Variants in ADGRG7 observed in about 807,000 individuals in gnomAD.
The protein encoded by ADGRG7 is G-protein coupled receptor 128.
In ADGRG7, 82 loss-of-function variants were observed where a neutral mutation model predicts 88.6. The observed-to-expected ratio is 0.93, with a 90% CI of 0.77 to 1.11. The LOEUF (loss-of-function observed/expected upper bound fraction) is 1.11. ADGRG7 is among the 50% of genes most tolerant of loss of function. The probability of loss-of-function intolerance (pLI) is 0.00; values close to 1 mark genes in which losing one functional copy is unlikely to be tolerated. For synonymous variants in ADGRG7, 381 were observed against 345.2 expected, an observed-to-expected ratio of 1.10 and a Z score of -1.15; for missense variants, 945 against 953.4, an observed-to-expected ratio of 0.99 and a Z score of 0.12.
Position 100,647,122 on chromosome 3 carries a change from A to T in ADGRG7, c.1266+398A>T, listed in dbSNP as rs142082872. Among the ~76,000 whole-genome samples the T allele has an allele frequency of 3.5e-3, 529 of 152,264 alleles. 5 individuals are homozygous for T. Among genetic ancestry groups the T allele is most frequent in the Non-Finnish European group, 5.1e-3 (350 of 68,016 alleles). ...CAGAGAGCCGAGATCACACCACTGCACTCCAACCTGGGTGACAGAGTGAGA... is the reference window on the plus strand; with the variant it reads ...CAGAGAGCCGAGATCACACCACTGCTCTCCAACCTGGGTGACAGAGTGAGA... On this transcript the variant is annotated intron_variant, in intron 10 of 15. Coordinates refer to ENST00000273352, the MANE Select transcript of ADGRG7 (RefSeq NM_032787.3).
chr3:100,649,939 AT>A (rs1444383626), intron 11 of ADGRG7, 132 bp downstream of exon 11: 1 of 482,602 alleles, frequency 2.1e-6, no homozygotes, highest in Non-Finnish European at 3.7e-6. Flanking sequence ...AGAGGAGGAC[AT>A]TTAGGCCTGG....
intron 6 of ADGRG7, among the ~76,000 whole-genome samples, chr3:100,642,803 C>T (rs1052208767): frequency 1.3e-5 from 2 of 152,174 alleles, no homozygotes; most frequent in Non-Finnish European, 2.9e-5. Context: ...TCCATCTGAA[C>T]TGTCACCTCA....
chr3:100,652,494 T>C (rs1451827495), intron 11 of ADGRG7, among the ~76,000 whole-genome samples: 6 of 152,050 alleles, frequency 3.9e-5, no homozygotes, highest in African/African-American at 1.4e-4. Flanking sequence ...TGGTAGTGAG[T>C]AGAGATTTTA....
At chr3:100,632,297 T>A (rs961191751) in intron 3 of ADGRG7, among the ~76,000 whole-genome samples, 26 of 152,186 alleles carry the variant, frequency 1.7e-4, no homozygotes, top group African/African-American at 5.5e-4. Flanking sequence ...ATCATGTTTA[T>A]AATATTTATC....
intron 14 of ADGRG7, among the ~76,000 whole-genome samples, chr3:100,664,721 C>T (rs1246305675): frequency 6.6e-6 from 1 of 152,146 alleles, no homozygotes. Flanking sequence ...TTGTCTCTCA[C>T]AATCTAATAT....
At position 100,645,988 on chromosome 3, in the gene ADGRG7, G is replaced by A. The variant is rs909370795; in HGVS notation, c.990G>A (p.Lys330=). 28 of 1,613,506 alleles carry A rather than the reference G, an allele frequency of 1.7e-5. No homozygotes were observed. The East Asian group carries it at 5.6e-4, about 32-fold the overall frequency. ...GCTTTGTAGTTTATCAAAATGACAA[G>A]CTTTTCCAATCAAAAACTTTTACAG... The part of the protein sequence containing the change: ...TCGFVVYQND[K]LFQSKTFTAK... The change falls in exon 9 of 16, where the codon AAG becomes AAA. Residue 330 remains lysine, a synonymous_variant. Coordinates refer to ENST00000273352, the MANE Select transcript of ADGRG7 (RefSeq NM_032787.3).
intron 15 of ADGRG7, 76 bp from the exon 16 acceptor site, chr3:100,694,667 GC>G (rs2149045951): frequency 7.5e-7 from 1 of 1,336,594 alleles, no homozygotes; most frequent in Non-Finnish European, 1.0e-6. Context: ...AGGTTGGGTG[GC>G]AGAGTGAAAT....
Position 100,626,181 on chromosome 3 carries a change from A to G in ADGRG7, c.116-3417A>G, listed in dbSNP as rs552761656. 4.7e-4 allele frequency among the ~76,000 whole-genome samples: 71 copies of G among 152,246 alleles called. No individual in the cohort carries two copies. The East Asian group carries it at 0.014, about 29-fold the overall frequency. On this transcript the variant is annotated intron_variant, in intron 1 of 15. Transcript: ENST00000273352. ...TGGTAGGCTAGTAATTACTGCCTCA[A>G]TTTCAGAGCTCGTTATTGACCTATT...
chr3:100,670,317 C>T (rs890767220), intron 15 of ADGRG7, among the ~76,000 whole-genome samples: 3 of 152,166 alleles, frequency 2.0e-5, no homozygotes, highest in Non-Finnish European at 4.4e-5. Flanking sequence ...CAGTTCCATC[C>T]ATGTTGTTAC....
At chr3:100,640,144 C>G (rs924332036) in intron 6 of ADGRG7, among the ~76,000 whole-genome samples, 3 of 152,184 alleles carry the variant, frequency 2.0e-5, no homozygotes, top group Non-Finnish European at 4.4e-5. Flanking sequence ...GGAGAATACT[C>G]TTGATGAGCT....
chr3:100,683,828 A>C (rs1481134630), intron 15 of ADGRG7, among the ~76,000 whole-genome samples: 1 of 152,170 alleles, frequency 6.6e-6, no homozygotes, highest in East Asian at 1.9e-4. Flanking sequence ...TTCTCAAATT[A>C]TTTTTTTATA....
intron 6 of ADGRG7, among the ~76,000 whole-genome samples, chr3:100,640,698 T>C (rs1455156592): frequency 6.6e-6 from 1 of 152,128 alleles, no homozygotes; most frequent in Non-Finnish European, 1.5e-5. Context: ...ATTTTTGTAT[T>C]TTTGGTAGAG....
intron 15 of ADGRG7, among the ~76,000 whole-genome samples, chr3:100,671,380 C>G (rs2094958266): frequency 6.6e-6 from 1 of 152,134 alleles, no homozygotes; most frequent in South Asian, 2.1e-4. Flanking sequence ...ATATCCTTTG[C>G]CCACTTTTTG....
At chr3:100,611,814 T>C (rs1469184683) in intron 1 of ADGRG7, among the ~76,000 whole-genome samples, 2 of 152,220 alleles carry the variant, frequency 1.3e-5, no homozygotes, top group South Asian at 4.1e-4. Flanking sequence ...GTACATTTTA[T>C]TGAGAGTGCA....
In ADGRG7 at chr3:100,635,820, A is replaced by G. The variant is rs780032038; in HGVS notation, c.591A>G (p.Ser197=). 5 of 1,607,236 alleles carry G rather than the reference A, an allele frequency of 3.1e-6. No homozygotes were observed. The East Asian group carries it at 1.1e-4, about 36-fold the overall frequency. ...TATTCAACACTTCCAGAAATGCTTC[A>G]CCTGAGGTAAAACTCACAGAGCTTT... ...GQIFNTSRNA[S]PEAKKVAIVT... The change falls in exon 5 of 16, where the codon TCA becomes TCG. Residue 197 remains serine (S), a synonymous_variant. Coordinates refer to ENST00000273352, the MANE Select transcript of ADGRG7 (RefSeq NM_032787.3).
At chr3:100,661,102 C>G (rs141064001) in intron 14 of ADGRG7, among the ~76,000 whole-genome samples, 2 of 152,120 alleles carry the variant, frequency 1.3e-5, no homozygotes, top group Non-Finnish European at 2.9e-5. Flanking sequence ...TTTCTGGCTC[C>G]AAAAAGCATT....
At chr3:100,628,909 C>T (rs1707418702) in intron 1 of ADGRG7, among the ~76,000 whole-genome samples, 1 of 152,046 alleles carries the variant, frequency 6.6e-6, no homozygotes, top group Non-Finnish European at 1.5e-5. Context: ...AAAATAATTC[C>T]TTATGTTACT....
intron 5 of ADGRG7, among the ~76,000 whole-genome samples, chr3:100,636,563 T>C (rs939298587): frequency 6.6e-6 from 1 of 152,190 alleles, no homozygotes; most frequent in Non-Finnish European, 1.5e-5. Context: ...CAATATGGAC[T>C]CACCTTGTGT....
intron 1 of ADGRG7, among the ~76,000 whole-genome samples, chr3:100,622,936 T>G (rs547486034): frequency 6.6e-6 from 1 of 151,350 alleles, no homozygotes; most frequent in East Asian, 1.9e-4. Context: ...TTGTTTTTTT[T>G]TTTTGGTAGA....
Sources: allele counts gnomAD v4.1 joint callset (sites outside exome capture counted in the v4.1 genomes callset), GRCh38; gene constraint gnomAD v4.1.1; transcripts MANE v1.5; gene names NCBI Gene and HGNC (gene_info 2026-07-23, HGNC 2026-07-21).